The following BEST3 variants were observed in gnomAD, a reference collection of about 807,000 sequenced individuals.
The protein encoded by BEST3 is bestrophin-3.
Under a neutral mutation model 47.1 loss-of-function variants are expected in BEST3, and 50 were observed. The observed-to-expected ratio is 1.06, with a 90% confidence interval of 0.85 to 1.34. The LOEUF (loss-of-function observed/expected upper bound fraction) is 1.34, where lower values mean the gene tolerates loss of function less well. Among genes scored for constraint, BEST3 ranks in the 40% most tolerant of loss-of-function variants. BEST3 has a pLI of 0.00. For missense variants in BEST3, 765 were observed against 817.0 expected (o/e 0.94, Z 0.78); for synonymous variants, 282 against 298.8 (o/e 0.94, Z 0.58).
In BEST3 at chr12:69,654,546, G is replaced by A. The variant is rs1017038663; in HGVS notation, c.*361C>T. On this transcript the variant is annotated 3_prime_UTR_variant, in exon 10 of 10. Transcript: ENST00000330891. ...GAGAACCCTGCGTGTCTGGGCCTTT[G>A]GGTCTAGGGGATTGGACTATGATCT... 1 of 1,004,128 alleles carries A rather than the reference G, an allele frequency of 1.0e-6. No homozygotes were observed. Among genetic ancestry groups the A allele is most frequent in the Admixed American group, 5.6e-5 (1 of 17,716 alleles). 62.2% of individuals were successfully genotyped at this position (1,004,128 alleles called of 1,614,324 possible).
intron 5 of BEST3, among the ~76,000 whole-genome samples, chr12:69,677,648 G>A (rs1332941533): frequency 1.3e-5 from 2 of 152,136 alleles, no homozygotes; most frequent in East Asian, 3.9e-4. Context: ...GGGCTTGGTG[G>A]CACACGCCTG....
At chr12:69,652,080 A>C (rs1883228453), downstream of BEST3, among the ~76,000 whole-genome samples, 1 of 152,214 alleles carries the variant, frequency 6.6e-6, no homozygotes, top group African/African-American at 2.4e-5. Flanking sequence ...CATTCTCTAA[A>C]ATTCTTGGAA....
In BEST3 at chr12:69,655,171, G is replaced by T. The variant is rs902513355; in HGVS notation, c.1743C>A (p.Asp581Glu). Residue 581 changes from aspartate to glutamate, a missense_variant, in exon 10 of 10, where the codon GAC becomes GAA. Transcript: ENST00000330891. Reference protein sequence around the residue: ...AEENIFNCEEDPGDTFLKRWS... With the variant: ...AEENIFNCEEEPGDTFLKRWS... ...ACCTTTTTAGAAAGGTATCACCAGG[G>T]TCTTCTTCACAGTTGAATATATTTT... 6.2e-7 allele frequency: 1 copy of T among 1,614,148 alleles called. No individual in the cohort carries two copies. Among genetic ancestry groups the T allele is most frequent in the Non-Finnish European group, 8.5e-7 (1 of 1,180,026 alleles).
At position 69,653,912 on chromosome 12, in the gene BEST3, G is replaced by A; in HGVS notation, c.*995C>T. The A allele has an allele frequency of 2.0e-6, 2 of 985,438 alleles. No individual in the cohort carries two copies. Among genetic ancestry groups the A allele is most frequent in the Non-Finnish European group, 2.4e-6 (2 of 829,934 alleles). 61.0% of individuals were successfully genotyped at this position (985,438 alleles called of 1,614,324 possible). The stretch of plus-strand genomic sequence containing the variant: ...AAGAGTTCAAGTTAAACAGATGTGA[G>A]TCATCTTATTCTTTGGTTCCATAGC... On this transcript the variant is annotated 3_prime_UTR_variant, in exon 10 of 10. Transcript: ENST00000330891.
intron 4 of BEST3, among the ~76,000 whole-genome samples, chr12:69,685,546 A>C (rs1885528775): frequency 6.6e-6 from 1 of 152,186 alleles, no homozygotes; most frequent in Non-Finnish European, 1.5e-5. Context: ...TGAGAATGGG[A>C]GTCAGGCGTC....
At chr12:69,646,218 G>A (rs371836438) in intron 9 of BEST3, among the ~76,000 whole-genome samples, 15 of 152,272 alleles carry the variant, frequency 9.9e-5, no homozygotes, top group East Asian at 7.7e-4. Flanking sequence ...GATTACAGGC[G>A]TGAGCCACCG....
rs764666923 is a variant in BEST3 at position 69,678,803 on chromosome 12, A to G, written c.572T>C (p.Leu191Pro). The G allele has an allele frequency of 6.2e-7, 1 of 1,614,104 alleles. No homozygotes were observed. Residue 191 changes from leucine to proline, a missense_variant, in exon 5 of 10, where the codon CTT becomes CCT. Coordinates refer to ENST00000330891, the MANE Select transcript of BEST3 (RefSeq NM_032735.3). ...ACCTTCATTCCGGGCTTTAGTTGCA[A>G]GATTTCCAAACCAGATGAATGGAAC... ...YWVPFIWFGN[L>P]ATKARNEGRI...
chr12:69,697,956 G>T, intron 1 of BEST3, 143 bp from the exon 2 acceptor site: 1 of 628,888 alleles, frequency 1.6e-6, no homozygotes, highest in Non-Finnish European at 2.6e-6. Flanking sequence ...TCTATAATTC[G>T]GAACTTTCAG....
At chr12:69,670,355 C>G (rs1884483882) in intron 9 of BEST3, 1 of 665,896 alleles carries the variant, frequency 1.5e-6, no homozygotes, top group African/African-American at 1.8e-5. Context: ...AGTAGGCAAC[C>G]TTCTCTAAGA....
intron 4 of BEST3, among the ~76,000 whole-genome samples, chr12:69,686,411 GT>G (rs1885589449): frequency 6.6e-6 from 1 of 152,078 alleles, no homozygotes; most frequent in South Asian, 2.1e-4. Context: ...TAATATTATT[GT>G]TTTCCTTGAG....
intron 9 of BEST3, among the ~76,000 whole-genome samples, chr12:69,665,515 C>T (rs1884144175): frequency 6.6e-6 from 1 of 152,154 alleles, no homozygotes; most frequent in Non-Finnish European, 1.5e-5. Context: ...ATTGCTTGAA[C>T]CCGGGAAGTG....
intron 9 of BEST3, among the ~76,000 whole-genome samples, chr12:69,643,985 T>A (rs957852625): frequency 7.2e-5 from 11 of 152,180 alleles, no homozygotes; most frequent in African/African-American, 1.9e-4. Flanking sequence ...TGGTCTTGCA[T>A]TGGATCTTCA....
intron 4 of BEST3, chr12:69,683,218 T>C (rs779280585): frequency 3.3e-5 from 5 of 152,242 alleles, no homozygotes; most frequent in African/African-American, 7.2e-5. Context: ...AGAGGACAAG[T>C]AGAGCAAGAA....
At chr12:69,658,704 T>C (rs1168282625) in intron 9 of BEST3, among the ~76,000 whole-genome samples, 1 of 152,124 alleles carries the variant, frequency 6.6e-6, no homozygotes, top group Non-Finnish European at 1.5e-5. Flanking sequence ...ATTGGATGGA[T>C]AGAAAAGGGA....
chr12:69,686,013 G>A (rs1222773757), intron 4 of BEST3, among the ~76,000 whole-genome samples: 3 of 152,024 alleles, frequency 2.0e-5, no homozygotes, highest in South Asian at 2.1e-4. Flanking sequence ...TCTGTTCCGG[G>A]CTCATCATGT....
At chr12:69,680,465 C>T (rs368616241) in intron 4 of BEST3, among the ~76,000 whole-genome samples, 125 of 151,976 alleles carry the variant, frequency 8.2e-4, no homozygotes, top group Admixed American at 7.2e-4. Flanking sequence ...CCTGCCACCA[C>T]GCCCGGCTAA....
chr12:69,653,571 C>T (rs11177773), downstream of BEST3: 161,704 of 896,670 alleles, frequency 0.18, 15,121 homozygotes, highest in Non-Finnish European at 0.19. Context: ...TCATAAGATT[C>T]GCTGCTGCCT....
rs2135988125 is a variant in BEST3 at position 69,678,818 on chromosome 12, A to G, written c.557T>C (p.Ile186Thr). The G allele has an allele frequency of 6.2e-7, 1 of 1,613,960 alleles. No homozygotes were observed. The highest frequency in any genetic ancestry group is 8.5e-7 in the Non-Finnish European group (1 of 1,179,832). ...SPHLKYWVPF[I>T]WFGNLATKAR... is the part of the protein sequence containing the mutation. The stretch of plus-strand genomic sequence containing the variant: ...TTTAGTTGCAAGATTTCCAAACCAG[A>G]TGAATGGAACCCAATATTTCAGATG... The change falls in exon 5 of 10, where the codon ATC becomes ACC. Residue 186 changes from isoleucine (I) to threonine (T), a missense_variant. Physicochemically the swap from Ile to Thr is moderately conservative, Grantham distance 89. Transcript: ENST00000330891.
chr12:69,693,842 T>C lies in BEST3; in HGVS notation c.313A>G (p.Arg105Gly). The C allele has an allele frequency of 6.2e-7, 1 of 1,614,018 alleles. No individual in the cohort carries two copies. Among genetic ancestry groups the C allele is most frequent in the African/African-American group, 1.3e-5 (1 of 75,052 alleles). The change falls in exon 4 of 10, where the codon AGG becomes GGG. Residue 105 changes from arginine to glycine, a missense_variant. Transcript: ENST00000330891. ...CTGCTAGAGATGAGGAACATTAGCC[T>C]GTCTGGCCAGGGCAAATTCACAAAC... ...NQFVNLPWPDRLMFLISSSVH... is the reference protein window; with the variant it reads ...NQFVNLPWPDGLMFLISSSVH...
Sources: gnomAD v4.1 joint callset for allele counts (sites outside exome capture counted in the v4.1 genomes callset) on GRCh38, gnomAD v4.1.1 for gene constraint, MANE v1.5 for transcripts, NCBI Gene and HGNC (gene_info 2026-07-23, HGNC 2026-07-21) for gene names.